NFIA: variants seen among roughly 807,000 people sequenced by gnomAD.
NFIA encodes nuclear factor 1 A-type.
Under a neutral mutation model 62.8 loss-of-function variants are expected in NFIA, and 8 were observed. That is an observed-to-expected ratio of 0.13 (90% CI 0.07 to 0.23). The LOEUF (loss-of-function observed/expected upper bound fraction) is 0.23, where lower values mean the gene tolerates loss of function less well. Ranked by LOEUF, NFIA falls within the 10% of genes least tolerant of loss-of-function variation. NFIA has a pLI of 1.00. For synonymous variants in NFIA, 235 were observed against 238.1 expected (o/e 0.99, Z 0.12); for missense variants, 410 against 642.1 (o/e 0.64, Z 3.91).
At chr1:61,110,141 C>T (rs1646670732) in intron 2 of NFIA, among the ~76,000 whole-genome samples, 1 of 151,902 alleles carries the variant, frequency 6.6e-6, no homozygotes, top group Admixed American at 6.6e-5. Context: ...ATTCAATTGC[C>T]ATCCATTAGA....
At chr1:61,295,242 T>A (rs1659127507) in intron 3 of NFIA, among the ~76,000 whole-genome samples, 1 of 152,180 alleles carries the variant, frequency 6.6e-6, no homozygotes, top group South Asian at 2.1e-4. Flanking sequence ...GAAATACTCA[T>A]TCCATGGCAA....
chr1:61,175,128 GATTATTATT>G (rs66989543), intron 2 of NFIA, among the ~76,000 whole-genome samples: 5 of 150,150 alleles, frequency 3.3e-5, no homozygotes, highest in African/African-American at 9.8e-5. Context: ...TTTCTGTATT[GATTATTATT>G]ATTATTATTA....
intron 3 of NFIA, among the ~76,000 whole-genome samples, chr1:61,297,502 G>C (rs1004695301): frequency 6.6e-6 from 1 of 152,160 alleles, no homozygotes; most frequent in Admixed American, 6.6e-5. Flanking sequence ...AAAAAGAAGA[G>C]TGAGCAAAAA....
chr1:61,243,887 G>A (rs1391532118), intron 2 of NFIA, among the ~76,000 whole-genome samples: 2 of 152,122 alleles, frequency 1.3e-5, no homozygotes, highest in African/African-American at 4.8e-5. Context: ...CACAGTCCGT[G>A]TTTTAAATTA....
intron 2 of NFIA, among the ~76,000 whole-genome samples, chr1:61,164,952 G>A (rs534893087): frequency 6.6e-6 from 1 of 152,160 alleles, no homozygotes; most frequent in Non-Finnish European, 1.5e-5. Context: ...TAAAGTGAAG[G>A]TATCATTTGG....
Position 61,307,113 on chromosome 1 carries a change from G to T in NFIA, c.626-25399G>T, listed in dbSNP as rs1483190206. Among the ~76,000 whole-genome samples the T allele has an allele frequency of 2.0e-5, 3 of 152,138 alleles. No individual in the cohort carries two copies. In the East Asian group the frequency reaches 5.8e-4, roughly 29 times the overall value. On this transcript the variant is annotated intron_variant, in intron 3 of 10. Coordinates refer to ENST00000403491, the MANE Select transcript of NFIA (RefSeq NM_001134673.4). ...GGATGGGAGCAGTGGCATGAGCTTGGAAGGATTTTTGCATTCTACAGCAAA... is the reference window on the plus strand; with the variant it reads ...GGATGGGAGCAGTGGCATGAGCTTGTAAGGATTTTTGCATTCTACAGCAAA...
intron 2 of NFIA, among the ~76,000 whole-genome samples, chr1:61,107,931 A>G (rs1297196963): frequency 1.3e-5 from 2 of 151,668 alleles, no homozygotes; most frequent in Non-Finnish European, 1.5e-5. Flanking sequence ...CAAATAATGT[A>G]AAATGATACC....
At chr1:61,215,815 T>C (rs190138134) in intron 2 of NFIA, among the ~76,000 whole-genome samples, 51 of 152,362 alleles carry the variant, frequency 3.3e-4, no homozygotes, top group Non-Finnish European at 6.3e-4. Flanking sequence ...GCCCCTTTTT[T>C]ATGTGACTCA....
intron 7 of NFIA, among the ~76,000 whole-genome samples, chr1:61,401,674 G>A (rs1417023301): frequency 6.6e-6 from 1 of 152,206 alleles, no homozygotes; most frequent in Non-Finnish European, 1.5e-5. Flanking sequence ...GCCTACCAGG[G>A]GCTCTTGTCA....
chr1:61,200,018 A>G (rs866640918), intron 2 of NFIA, among the ~76,000 whole-genome samples: 755 of 9,364 alleles, frequency 0.081, 25 homozygotes, highest in Middle Eastern at 0.17. Flanking sequence ...ATGTATATAT[A>G]TATATATATA....
intron 2 of NFIA, among the ~76,000 whole-genome samples, chr1:61,216,095 G>T (rs1653607593): frequency 2.0e-5 from 3 of 152,326 alleles, no homozygotes; most frequent in African/African-American, 4.8e-5. Flanking sequence ...AAACCATGTT[G>T]TAGTGACATA....
intron 2 of NFIA, among the ~76,000 whole-genome samples, chr1:61,126,857 T>A (rs1281662840): frequency 1.4e-5 from 2 of 141,748 alleles, no homozygotes; most frequent in East Asian, 4.5e-4. Flanking sequence ...TGATCTTGGC[T>A]CACTGCAACC....
At chr1:61,306,994 T>C (rs1224167786) in intron 3 of NFIA, among the ~76,000 whole-genome samples, 3 of 152,148 alleles carry the variant, frequency 2.0e-5, no homozygotes, top group Non-Finnish European at 2.9e-5. Flanking sequence ...ATACTGTCCA[T>C]ATAGGAAAAA....
intron 2 of NFIA, among the ~76,000 whole-genome samples, chr1:61,179,110 T>G (rs1292339920): frequency 6.6e-6 from 1 of 152,234 alleles, no homozygotes; most frequent in Non-Finnish European, 1.5e-5. Context: ...ACGGTGTTTG[T>G]GCTTCAAGTT....
intron 3 of NFIA, among the ~76,000 whole-genome samples, chr1:61,285,395 A>C (rs72911921): frequency 0.015 from 2,243 of 152,270 alleles, 59 homozygotes; most frequent in African/African-American, 0.052. Context: ...AAGCCTGTAC[A>C]TTATTTTTTG....
At chr1:61,310,764 T>TTTCCTTCCTTCCCTCC (rs1553171237) in intron 3 of NFIA, among the ~76,000 whole-genome samples, 12 of 129,312 alleles carry the variant, frequency 9.3e-5, no homozygotes, top group African/African-American at 3.9e-4. Context: ...TTCTCCCTCT[T>TTTCCTTCCTTCCCTCC]TTCCTTCCTT....
chr1:61,265,799 A>G (rs1307591383), intron 2 of NFIA, among the ~76,000 whole-genome samples: 1 of 152,174 alleles, frequency 6.6e-6, no homozygotes, highest in Non-Finnish European at 1.5e-5. Context: ...AAAGGAAAAA[A>G]CTTAGTTTAT....
chr1:61,417,794 T>C (rs74089342), intron 9 of NFIA, among the ~76,000 whole-genome samples: 2,287 of 152,314 alleles, frequency 0.015, 68 homozygotes, highest in African/African-American at 0.052. Context: ...ATCAATTATA[T>C]TAAAATTGGA....
At chr1:61,437,305 T>C (rs1360697232) in intron 10 of NFIA, among the ~76,000 whole-genome samples, 2 of 152,076 alleles carry the variant, frequency 1.3e-5, no homozygotes, top group Non-Finnish European at 2.9e-5. Context: ...ACTAGGGGGA[T>C]AGAAGAATAA....
Sources: allele counts gnomAD v4.1 joint callset (sites outside exome capture counted in the v4.1 genomes callset), GRCh38; gene constraint gnomAD v4.1.1; transcripts MANE v1.5; gene names NCBI Gene and HGNC (gene_info 2026-07-23, HGNC 2026-07-21).